CDH8: variants seen among roughly 807,000 people sequenced by gnomAD.
The protein encoded by CDH8 is cadherin-8.
Under a neutral mutation model 68.1 loss-of-function variants are expected in CDH8, and 17 were observed. That is an observed-to-expected ratio of 0.25 (90% CI 0.17 to 0.37). The LOEUF is 0.37. CDH8 is among the 10% of genes least tolerant of loss of function. CDH8 has a pLI of 1.00. For missense variants in CDH8, 763 were observed against 999.3 expected (o/e 0.76, Z 3.19); for synonymous variants, 372 against 365.1 (o/e 1.02, Z -0.21).
At chr16:61,693,165 A>T (rs1964264508) in intron 10 of CDH8, 1 of 152,166 alleles carries the variant, frequency 6.6e-6, no homozygotes. Flanking sequence ...AATTTAAAAA[A>T]TAGGGCTTAC....
chr16:61,768,354 CTCTCTCTCTCTCTCCCTT>C (rs1960666684), intron 8 of CDH8, among the ~76,000 whole-genome samples: 5 of 113,968 alleles, frequency 4.4e-5, no homozygotes, highest in African/African-American at 1.1e-4. Context: ...CTCTCTCTCT[CTCTCTCTCTCTCTCCCTT>C]TCTCTCTCTC....
chr16:61,789,531 T>C (rs570837733), intron 7 of CDH8, 49 bp from the exon 8 acceptor site: 6 of 1,563,912 alleles, frequency 3.8e-6, no homozygotes, highest in Admixed American at 3.6e-5. Context: ...ATATGATCCA[T>C]ACATTCCACA....
intron 5 of CDH8, among the ~76,000 whole-genome samples, chr16:61,824,151 G>C (rs1356068685): frequency 6.6e-6 from 1 of 151,738 alleles, no homozygotes; most frequent in East Asian, 1.9e-4. Flanking sequence ...AGGATATTAT[G>C]TTAAGTGAAA....
At chr16:61,978,165 T>C (rs1965471935) in intron 2 of CDH8, among the ~76,000 whole-genome samples, 1 of 152,174 alleles carries the variant, frequency 6.6e-6, no homozygotes, top group African/African-American at 2.4e-5. Flanking sequence ...TTTACAGAAC[T>C]TCAAAAGATA....
chr16:61,841,381 A>G (rs1962680188), intron 4 of CDH8, among the ~76,000 whole-genome samples: 1 of 152,202 alleles, frequency 6.6e-6, no homozygotes, highest in Non-Finnish European at 1.5e-5. Flanking sequence ...GCAACAACAT[A>G]GATGGAACTG....
rs1963261949 is a variant in CDH8, at chr16:61,648,896, T to G, written c.*4712A>C. Reference sequence around the variant, plus strand: ...TCAATAGCAACAGTATACCATGTAATCCATAAATTTGTGTTGACTAAAACT... The same window carrying G: ...TCAATAGCAACAGTATACCATGTAAGCCATAAATTTGTGTTGACTAAAACT... On this transcript the variant is annotated 3_prime_UTR_variant, in exon 12 of 12. Transcript: ENST00000577390. 1.3e-5 allele frequency: 2 copies of G among 152,084 alleles called. No homozygotes were observed. Among genetic ancestry groups the G allele is most frequent in the East Asian group, 3.9e-4 (2 of 5,148 alleles). The allele number at this position is 152,084 out of a possible 1,614,324, so 9.4% of individuals were successfully genotyped here.
At chr16:61,702,751 G>A (rs1338707970) in intron 10 of CDH8, among the ~76,000 whole-genome samples, 1 of 152,208 alleles carries the variant, frequency 6.6e-6, no homozygotes, top group Non-Finnish European at 1.5e-5. Context: ...CTGAGCAAAT[G>A]TTCTGGGAAT....
chr16:61,741,107 G>A (rs1468141056), intron 8 of CDH8, among the ~76,000 whole-genome samples: 2 of 152,094 alleles, frequency 1.3e-5, no homozygotes, highest in South Asian at 2.1e-4. Context: ...GAGTGTTGAA[G>A]TTGTATTTTA....
At chr16:61,831,629 A>C (rs959454425) in intron 4 of CDH8, among the ~76,000 whole-genome samples, 1 of 151,718 alleles carries the variant, frequency 6.6e-6, no homozygotes, top group Non-Finnish European at 1.5e-5. Flanking sequence ...TGGCGTTATC[A>C]TTTGAGAAGC....
chr16:61,668,378 C>T (rs1009728887), intron 10 of CDH8, among the ~76,000 whole-genome samples: 22 of 151,922 alleles, frequency 1.4e-4, no homozygotes, highest in African/African-American at 4.3e-4. Context: ...TCAAAATGCT[C>T]CACGCACCTT....
At chr16:61,698,716 C>A (rs1964371073) in intron 10 of CDH8, among the ~76,000 whole-genome samples, 1 of 152,168 alleles carries the variant, frequency 6.6e-6, no homozygotes, top group Admixed American at 6.5e-5. Flanking sequence ...TCCGCTTAAT[C>A]TCCACGACCA....
At chr16:61,858,797 T>G (rs1963098342) in intron 3 of CDH8, among the ~76,000 whole-genome samples, 1 of 152,134 alleles carries the variant, frequency 6.6e-6, no homozygotes, top group Admixed American at 6.6e-5. Context: ...GCTTTTATAT[T>G]CCAGCAGGAA....
intron 2 of CDH8, among the ~76,000 whole-genome samples, chr16:61,975,515 A>T (rs925982995): frequency 2.0e-4 from 30 of 152,216 alleles, no homozygotes; most frequent in Non-Finnish European, 7.4e-5. Flanking sequence ...TATGTAACTT[A>T]TAAGGAGCAC....
chr16:61,960,250 TATAC>T (rs1965109894), intron 2 of CDH8, among the ~76,000 whole-genome samples: 1 of 103,384 alleles, frequency 9.7e-6, no homozygotes, highest in Non-Finnish European at 1.8e-5. Context: ...TGTGTGTGTG[TATAC>T]ACATACATAT....
chr16:61,832,155 CAAT>C (rs1200760990), intron 4 of CDH8, among the ~76,000 whole-genome samples: 1 of 151,638 alleles, frequency 6.6e-6, no homozygotes, highest in African/African-American at 2.4e-5. Flanking sequence ...AGAATCACAA[CAAT>C]ATCAAACTTG....
intron 8 of CDH8, among the ~76,000 whole-genome samples, chr16:61,758,191 T>C (rs1960370241): frequency 6.6e-6 from 1 of 152,090 alleles, no homozygotes; most frequent in African/African-American, 2.4e-5. Context: ...AAAGGAAACC[T>C]GTGTATATAC....
chr16:61,966,429 T>A (rs1364912882), intron 2 of CDH8, among the ~76,000 whole-genome samples: 1 of 151,958 alleles, frequency 6.6e-6, no homozygotes, highest in Non-Finnish European at 1.5e-5. Context: ...TCCCAGCTAC[T>A]TGGGAGGCTG....
intron 7 of CDH8, among the ~76,000 whole-genome samples, chr16:61,807,050 T>C: frequency 9.1e-6 from 1 of 110,118 alleles, no homozygotes; most frequent in African/African-American, 3.7e-5. Flanking sequence ...TTATTCACAA[T>C]AGCAAAGACT....
At chr16:61,713,733 C>T in intron 10 of CDH8, 108 bp downstream of exon 10, 1 of 646,946 alleles carries the variant, frequency 1.5e-6, no homozygotes, top group East Asian at 2.7e-5. Context: ...TTCAAGTGCT[C>T]ATAGTTGAAC....
Sources: gnomAD v4.1 joint callset for allele counts (sites outside exome capture counted in the v4.1 genomes callset) on GRCh38, gnomAD v4.1.1 for gene constraint, MANE v1.5 for transcripts, NCBI Gene and HGNC (gene_info 2026-07-23, HGNC 2026-07-21) for gene names.